The following AHNAK2 variants were observed in gnomAD, a reference collection of about 807,000 sequenced individuals.
AHNAK2 encodes protein AHNAK2.
AHNAK2 carries 18 observed loss-of-function variants against 30.7 expected under a neutral mutation model. The observed-to-expected ratio is 0.59, with a 90% confidence interval of 0.41 to 0.87. The LOEUF (loss-of-function observed/expected upper bound fraction) is 0.87. AHNAK2 is among the 40% of genes least tolerant of loss of function. AHNAK2 has a pLI of 0.00. For missense variants in AHNAK2, 8,604 were observed against 7,373.0 expected (o/e 1.17, Z -6.11); for synonymous variants, 3,590 against 3,073.8 (o/e 1.17, Z -5.56).
intron 1 of AHNAK2, among the ~76,000 whole-genome samples, chr14:104,961,925 C>T (rs1467578766): frequency 1.3e-5 from 2 of 151,954 alleles, no homozygotes; most frequent in Non-Finnish European, 2.9e-5. Context: ...GTGAGCCAAG[C>T]TCATGCCACT....
At position 104,948,260 on chromosome 14, in the gene AHNAK2, G is replaced by T; in HGVS notation, c.7191C>A (p.Leu2397=). 6.2e-7 allele frequency: 1 copy of T among 1,612,334 alleles called. No individual in the cohort carries two copies. Among genetic ancestry groups the T allele is most frequent in the East Asian group, 2.2e-5 (1 of 44,700 alleles). The change falls in exon 7 of 7, where the codon CTC becomes CTA. Residue 2397 remains leucine (L), a synonymous_variant. Transcript: ENST00000333244. ...TCTGCAGCTTGGGCAGGTGCCCTTTGAGGCCGGCTCCCTCCGGCACGGGGC... is the reference window on the plus strand; with the variant it reads ...TCTGCAGCTTGGGCAGGTGCCCTTTTAGGCCGGCTCCCTCCGGCACGGGGC... ...PEGPVPEGAG[L]KGHLPKLQMP...
intron 4 of AHNAK2, among the ~76,000 whole-genome samples, 189 bp from the exon 5 acceptor site, chr14:104,955,822 G>A (rs1052105623): frequency 2.0e-5 from 3 of 152,228 alleles, no homozygotes; most frequent in Non-Finnish European, 4.4e-5. Context: ...GAGGAAGCCA[G>A]CTGGAACCTG....
rs536790569 is a variant in AHNAK2, at chr14:104,951,031, G to A, written c.4420C>T (p.Arg1474Trp). The change falls in exon 7 of 7, where the codon CGG becomes TGG. Residue 1474 changes from arginine to tryptophan, a missense_variant. By Grantham distance (101) the Arg-to-Trp change is moderately radical. Transcript: ENST00000333244. ...EAPGAKLDGG[R>W]LEEDMSLADK... ...GCCAGGGACATGTCCTCCTCCAGCC[G>A]TCCACCATCCAGCTTGGCTCCTGGG... The A allele has an allele frequency of 1.1e-4, 118 of 1,063,306 alleles. 41 individuals carry two copies. Among genetic ancestry groups the A allele is most frequent in the South Asian group, 7.9e-4 (49 of 62,244 alleles). 65.9% of individuals were successfully genotyped at this position (1,063,306 alleles called of 1,614,324 possible). A position where few individuals can be genotyped will look rare whatever the true frequency, so the allele number is the denominator to read the frequency against.
intron 1 of AHNAK2, among the ~76,000 whole-genome samples, chr14:104,970,873 C>T (rs1481154572): frequency 2.0e-5 from 3 of 152,150 alleles, no homozygotes; most frequent in Non-Finnish European, 2.9e-5. Context: ...CTGCACAAAC[C>T]CTGTGTCTCA....
Position 104,948,467 on chromosome 14 carries a change from A to G in AHNAK2, c.6984T>C (p.Phe2328=), listed in dbSNP as rs117064989. The G allele has an allele frequency of 7.6e-3, 12,221 of 1,609,514 alleles. 748 individuals carry two copies. The East Asian group carries it at 0.16, about 22-fold the overall frequency. ...FKMPKFKMLS[F]GVSALGKSIE... is the part of the protein sequence containing the mutation. ...TGGACTTGCCAAGGGCAGACACCCC[A>G]AACGACAGCATCTTGAACTTGGGCA... is the stretch of plus-strand genomic sequence containing the variant. Residue 2328 remains phenylalanine, a synonymous_variant, in exon 7 of 7, where the codon TTT becomes TTC. Coordinates refer to ENST00000333244, the MANE Select transcript of AHNAK2 (RefSeq NM_138420.4).
intron 1 of AHNAK2, among the ~76,000 whole-genome samples, chr14:104,962,977 G>A (rs1164939544): frequency 1.3e-5 from 2 of 152,274 alleles, no homozygotes; most frequent in Middle Eastern, 3.4e-3. Context: ...GGATACAGAA[G>A]GTAAGGATCA....
chr14:104,946,790 G>A lies in AHNAK2; in HGVS notation c.8661C>T (p.Pro2887=), dbSNP rs760121321. 1.1e-5 allele frequency: 18 copies of A among 1,612,378 alleles called. No homozygotes were observed. Among genetic ancestry groups the A allele is most frequent in the East Asian group, 8.9e-5 (4 of 44,754 alleles). The part of the protein sequence containing the change: ...VDVKLPEGHV[P]EGAGLKGHLP... ...GGTGCCCTTTGAGGCCGGCTCCCTCGGGAACGTGGCCCTCTGGGAGTTTCA... is the reference window on the plus strand; with the variant it reads ...GGTGCCCTTTGAGGCCGGCTCCCTCAGGAACGTGGCCCTCTGGGAGTTTCA... Residue 2887 remains proline, a synonymous_variant, in exon 7 of 7, where the codon CCC becomes CCT. Transcript: ENST00000333244.
intron 1 of AHNAK2, among the ~76,000 whole-genome samples, chr14:104,958,042 T>C (rs1037643328): frequency 6.6e-6 from 1 of 152,168 alleles, no homozygotes; most frequent in African/African-American, 2.4e-5. Context: ...AATTACAAGT[T>C]ACGCGAAGAA....
rs1294509778 is a variant in AHNAK2 at position 104,978,199 on chromosome 14, G to A, written c.39C>T (p.Pro13=). Residue 13 remains proline (P), a synonymous_variant, in exon 1 of 7, where the codon CCC becomes CCT. Transcript: ENST00000333244. ...GGGGCGCACCGCTGCCGGGGGTTCCGGGCCAGGTGGGCAGCACCATGTGGA... is the reference window on the plus strand; with the variant it reads ...GGGGCGCACCGCTGCCGGGGGTTCCAGGCCAGGTGGGCAGCACCATGTGGA... ...DCFHMVLPTW[P]GTPGSVSGRQ... is the part of the protein sequence containing the mutation. 46 of 1,216,214 alleles carry A rather than the reference G, an allele frequency of 3.8e-5. No homozygotes were observed. Among genetic ancestry groups the A allele is most frequent in the Non-Finnish European group, 4.5e-5 (44 of 977,168 alleles). 75.3% of individuals were successfully genotyped at this position (1,216,214 alleles called of 1,614,324 possible). A position where few individuals can be genotyped will look rare whatever the true frequency, so the allele number is the denominator to read the frequency against.
chr14:104,949,384 T>G lies in AHNAK2; in HGVS notation c.6067A>C (p.Ser2023Arg), dbSNP rs1270287127. Residue 2023 changes from serine to arginine, a missense_variant, in exon 7 of 7, where the codon AGT becomes CGT. Coordinates refer to ENST00000333244, the MANE Select transcript of AHNAK2 (RefSeq NM_138420.4). Reference sequence around the variant, plus strand: ...AGGTCCCCCTGCATGGAGGGGAGACTCACGTCGGCCTCCACCTTGGGTGCA... The same window carrying G: ...AGGTCCCCCTGCATGGAGGGGAGACGCACGTCGGCCTCCACCTTGGGTGCA... ...VPAPKVEADVSLPSMQGDLKT... is the reference protein window; with the variant it reads ...VPAPKVEADVRLPSMQGDLKT... 1 of 1,580,542 alleles carries G rather than the reference T, an allele frequency of 6.3e-7. No individual in the cohort carries two copies. Among genetic ancestry groups the G allele is most frequent in the Non-Finnish European group, 8.6e-7 (1 of 1,158,358 alleles).
At chr14:104,961,142 A>C (rs1018668830) in intron 1 of AHNAK2, among the ~76,000 whole-genome samples, 3 of 151,942 alleles carry the variant, frequency 2.0e-5, no homozygotes, top group South Asian at 2.1e-4. Context: ...AAAAAAAAAA[A>C]CAAATAAAAT....
rs371985493 is a variant in AHNAK2, at chr14:104,973,887, CGGAGG to C, written c.55+4291_55+4295del. ...AGCTGGCAGGGCAGGGACCCGCAGC[CGGAGG>C]GGAGGGGAGGGCGGTGGCTGCAAAA... On this transcript the variant is annotated intron_variant, in intron 1 of 6. Coordinates refer to ENST00000333244, the MANE Select transcript of AHNAK2 (RefSeq NM_138420.4). Among the ~76,000 whole-genome samples, 270 of 152,298 alleles carry C rather than the reference CGGAGG, an allele frequency of 1.8e-3. 5 individuals carry two copies. The East Asian group carries it at 0.043, about 24-fold the overall frequency.
chr14:104,977,290 C>A (rs1899618409), intron 1 of AHNAK2, among the ~76,000 whole-genome samples: 1 of 152,218 alleles, frequency 6.6e-6, no homozygotes, highest in Admixed American at 6.5e-5. Context: ...GCAGCATAGA[C>A]CCAGCGCCCA....
Position 104,951,035 on chromosome 14 carries a change from A to G in AHNAK2, c.4416T>C (p.Gly1472=), listed in dbSNP as rs370803747. ...DVEAPGAKLD[G]GRLEEDMSLA... ...GGGACATGTCCTCCTCCAGCCGTCC[A>G]CCATCCAGCTTGGCTCCTGGGGCCT... The change falls in exon 7 of 7, where the codon GGT becomes GGC. Residue 1472 remains glycine, a synonymous_variant. Coordinates refer to ENST00000333244, the MANE Select transcript of AHNAK2 (RefSeq NM_138420.4). 7 of 1,062,916 alleles carry G rather than the reference A, an allele frequency of 6.6e-6. 1 individual carries two copies. The highest frequency in any genetic ancestry group is 6.4e-5 in the Admixed American group (3 of 46,802). 65.8% of individuals were successfully genotyped at this position (1,062,916 alleles called of 1,614,324 possible).
rs1178630013 is a variant in AHNAK2, at chr14:104,953,474, CT to C, written c.1976del (p.Lys659ArgfsTer5). 3.1e-6 allele frequency: 5 copies of C among 1,613,812 alleles called. No individual in the cohort carries two copies. Among genetic ancestry groups the C allele is most frequent in the African/African-American group, 1.3e-5 (1 of 74,892 alleles). On this transcript the variant is annotated frameshift_variant, in exon 7 of 7. Transcript: ENST00000333244. LOFTEE classifies it low-confidence loss of function (END_TRUNC). The part of the protein sequence containing the change: ...QLIHDEKRLK[K>X]EQILTEKEVA... ...CTTCCTTTTCTGTCAGAATTTGTTC[CT>C]TTTTTAAGCGTTTTTCATCGTGTAT...
In AHNAK2 at chr14:104,947,583, G is replaced by C; in HGVS notation, c.7868C>G (p.Ala2623Gly). 6.2e-7 allele frequency: 1 copy of C among 1,612,952 alleles called. No homozygotes were observed. Among genetic ancestry groups the C allele is most frequent in the South Asian group, 1.1e-5 (1 of 91,046 alleles). ...CTCCAGCCGCGCACCATCCAGCTTT[G>C]CTCTCGGGGCCTGGACGTCCACCTC... ...SMEVDVQAPR[A>G]KLDGARLEGD... is the part of the protein sequence containing the mutation. Residue 2623 changes from alanine (A) to glycine (G), a missense_variant, in exon 7 of 7, where the codon GCA (alanine) becomes GGA (glycine). Ala to Gly is a moderately conservative substitution (Grantham distance 60). Coordinates refer to ENST00000333244, the MANE Select transcript of AHNAK2 (RefSeq NM_138420.4).
In AHNAK2 at chr14:104,939,591, A is replaced by T; in HGVS notation, c.15860T>A (p.Met5287Lys). 3 of 1,613,870 alleles carry T rather than the reference A, an allele frequency of 1.9e-6. No individual in the cohort carries two copies. Among genetic ancestry groups the T allele is most frequent in the Non-Finnish European group, 2.5e-6 (3 of 1,179,864 alleles). ...GLKLHLSTAGMTGDELSTSEV... is the reference protein window; with the variant it reads ...GLKLHLSTAGKTGDELSTSEV... ...AGAAGTGGAAAGCTCATCCCCAGTC[A>T]TCCCAGCAGTGGAGAGGTGCAGCTT... The change falls in exon 7 of 7, where the codon ATG becomes AAG. Residue 5287 changes from methionine to lysine, a missense_variant. Physicochemically the swap from Met to Lys is moderately conservative, Grantham distance 95. Coordinates refer to ENST00000333244, the MANE Select transcript of AHNAK2 (RefSeq NM_138420.4).
At chr14:104,970,501 C>T (rs1899444830) in intron 1 of AHNAK2, 1 of 985,492 alleles carries the variant, frequency 1.0e-6, no homozygotes, top group Non-Finnish European at 1.2e-6. Context: ...AAGCGAAGAT[C>T]CCAACTGGCC....
chr14:104,953,781 T>G lies in AHNAK2; in HGVS notation c.1670A>C (p.Glu557Ala). 1 of 1,613,954 alleles carries G rather than the reference T, an allele frequency of 6.2e-7. No homozygotes were observed. Among genetic ancestry groups the G allele is most frequent in the Non-Finnish European group, 8.5e-7 (1 of 1,179,880 alleles). The change falls in exon 7 of 7, where the codon GAG becomes GCG. Residue 557 changes from glutamate to alanine, a missense_variant. Physicochemically the swap from Glu to Ala is moderately radical, Grantham distance 107 (BLOSUM62 -1). Coordinates refer to ENST00000333244, the MANE Select transcript of AHNAK2 (RefSeq NM_138420.4). Reference sequence around the variant, plus strand: ...GATCCTTGTCCTCTGTAGTCCTTCCTCTCCATCTCCTTCATCCCCCTGTGC... The same window carrying G: ...GATCCTTGTCCTCTGTAGTCCTTCCGCTCCATCTCCTTCATCCCCCTGTGC... ...AEAQGDEGDG[E>A]EGLQRTRITE...
Sources: allele counts gnomAD v4.1 joint callset (sites outside exome capture counted in the v4.1 genomes callset), GRCh38; gene constraint gnomAD v4.1.1; transcripts MANE v1.5; gene names NCBI Gene and HGNC (gene_info 2026-07-23, HGNC 2026-07-21).